FHL2: variants seen among roughly 807,000 people sequenced by gnomAD.
FHL2 encodes the protein four and a half LIM domains protein 2.
FHL2 carries 20 observed loss-of-function variants against 32.7 expected under a neutral mutation model. That is an observed-to-expected ratio of 0.61 (90% CI 0.43 to 0.89). FHL2 has a LOEUF of 0.89. Among genes scored for constraint, FHL2 ranks in the 40% least tolerant of loss-of-function variants. The pLI is 0.00. For missense variants in FHL2, 311 were observed against 358.6 expected, an observed-to-expected ratio of 0.87 and a Z score of 1.07; for synonymous variants, 123 against 128.1, an observed-to-expected ratio of 0.96 and a Z score of 0.27.
rs11537578 is a variant in FHL2 at position 105,386,397 on chromosome 2, G to A, written c.120C>T (p.Cys40=). The A allele has an allele frequency of 2.1e-3, 3,342 of 1,614,124 alleles. 67 individuals are homozygous for A. In the African/African-American group the frequency reaches 0.039, roughly 19 times the overall value. ...VCFETLFANT[C]EECGKPIGCD... ...AGCCGATGGGCTTCCCACACTCCTC[G>A]CAGGTGTTGGCGAACAGGGTCTCAA... The change falls in exon 3 of 7, where the codon TGC becomes TGT. Residue 40 remains cysteine, a synonymous_variant. Coordinates refer to ENST00000530340, the MANE Select transcript of FHL2 (RefSeq NM_001318895.3).
chr2:105,385,203 C>T (rs1404015600), intron 3 of FHL2, among the ~76,000 whole-genome samples: 2 of 152,208 alleles, frequency 1.3e-5, no homozygotes, highest in Non-Finnish European at 2.9e-5. Flanking sequence ...TTCGTCTCTG[C>T]TCAAGGCAGA....
In FHL2 at chr2:105,414,975, A is replaced by G. The variant is rs1031815439; in HGVS notation, c.-25+23424T>C. ...CCTATGACTTACAATTTTCTCTAAT[A>G]CAACTGTAGTCTAAGTAATGTTGGC... On this transcript the variant is annotated intron_variant, in intron 1 of 5. Transcript: ENST00000393352. Among the ~76,000 whole-genome samples, 7 of 152,364 alleles carry G rather than the reference A, an allele frequency of 4.6e-5. No homozygotes were observed. The South Asian group carries it at 6.2e-4, about 14-fold the overall frequency.
intron 1 of FHL2, among the ~76,000 whole-genome samples, chr2:105,397,974 G>A (rs1400102880): frequency 6.6e-6 from 1 of 151,640 alleles, no homozygotes; most frequent in Non-Finnish European, 1.5e-5. Flanking sequence ...AGTAGAGTCA[G>A]CACCAAAAAT....
chr2:105,377,301 A>C (rs964640635), intron 3 of FHL2, among the ~76,000 whole-genome samples: 12 of 152,164 alleles, frequency 7.9e-5, no homozygotes, highest in African/African-American at 2.9e-4. Flanking sequence ...GGTAAGTGTG[A>C]TGTTCTGTGT....
At chr2:105,387,226 G>A (rs1045759985) in intron 2 of FHL2, among the ~76,000 whole-genome samples, 2 of 152,152 alleles carry the variant, frequency 1.3e-5, no homozygotes, top group African/African-American at 4.8e-5. Context: ...TAGAAAGGCA[G>A]GCATAGAAAT....
chr2:105,365,536 A>C (rs987136695), intron 5 of FHL2, among the ~76,000 whole-genome samples: 1 of 152,182 alleles, frequency 6.6e-6, no homozygotes, highest in African/African-American at 2.4e-5. Context: ...AACAAACCAA[A>C]ATAAAAATAA....
chr2:105,399,250 TGCCCTCC>T, upstream of FHL2: 1 of 1,535,316 alleles, frequency 6.5e-7, no homozygotes, highest in Non-Finnish European at 8.7e-7. Flanking sequence ...CCTTTCTTCG[TGCCCTCC>T]GGGTCTTGGG....
At chr2:105,425,137 ATGT>A (rs1204435072) in intron 1 of FHL2, among the ~76,000 whole-genome samples, 1 of 152,188 alleles carries the variant, frequency 6.6e-6, no homozygotes, top group Non-Finnish European at 1.5e-5. Context: ...CTTTGCTGAG[ATGT>A]TGTTAATTTG....
At chr2:105,423,944 A>G (rs961714148) in intron 1 of FHL2, among the ~76,000 whole-genome samples, 4 of 152,232 alleles carry the variant, frequency 2.6e-5, no homozygotes, top group Non-Finnish European at 5.9e-5. Context: ...CCTAGGCAAT[A>G]CCATTCAGGA....
chr2:105,361,853 C>T (rs913412249), intron 6 of FHL2, among the ~76,000 whole-genome samples: 1 of 152,046 alleles, frequency 6.6e-6, no homozygotes, highest in African/African-American at 2.4e-5. Context: ...AAGGTTAATC[C>T]TCCCTGGGAT....
Position 105,415,273 on chromosome 2 carries a change from C to T in FHL2, c.-25+23126G>A, listed in dbSNP as rs76181834. Among the ~76,000 whole-genome samples, 46 of 152,276 alleles carry T rather than the reference C, an allele frequency of 3.0e-4. 1 individual carries two copies. The East Asian group carries it at 8.7e-3, about 29-fold the overall frequency. ...AGTGCAAGTCATTGTGTGGAGTATC[C>T]TACCATTTGTAAGAAAAGGATGTGT... On this transcript the variant is annotated intron_variant, in intron 1 of 5. Coordinates refer to the FHL2 transcript ENST00000393352.
At chr2:105,420,007 G>C (rs1315949282) in intron 1 of FHL2, among the ~76,000 whole-genome samples, 1 of 152,196 alleles carries the variant, frequency 6.6e-6, no homozygotes, top group African/African-American at 2.4e-5. Context: ...AAGAGGAGAA[G>C]TGACTGCTTG....
chr2:105,413,592 G>A (rs1462330700), intron 1 of FHL2, among the ~76,000 whole-genome samples: 4 of 152,146 alleles, frequency 2.6e-5, no homozygotes, highest in Admixed American at 6.5e-5. Flanking sequence ...TCCCACCTCA[G>A]CCTCCCGACA....
chr2:105,409,228 A>C (rs1346469118), intron 1 of FHL2, among the ~76,000 whole-genome samples: 1 of 152,152 alleles, frequency 6.6e-6, no homozygotes, highest in African/African-American at 2.4e-5. Flanking sequence ...AAGCCAAAGG[A>C]AGTTTTTGTT....
intron 3 of FHL2, among the ~76,000 whole-genome samples, chr2:105,376,945 CAT>C (rs2104548243): frequency 1.3e-5 from 2 of 152,318 alleles, no homozygotes; most frequent in African/African-American, 4.8e-5. Flanking sequence ...TGATCTCACA[CAT>C]GTGAGATACT....
chr2:105,399,048 GA>G lies in FHL2; in HGVS notation c.-283del. The G allele has an allele frequency of 6.7e-7, 1 of 1,497,012 alleles. No homozygotes were observed. The highest frequency in any genetic ancestry group is 8.9e-7 in the Non-Finnish European group (1 of 1,125,926). 92.7% of individuals were successfully genotyped at this position (1,497,012 alleles called of 1,614,324 possible). ...GGTGGCTGCGGCTCCGCTGCCGGCC[GA>G]GTGGAGCGCTGCGCAGCTCCCGCCC... On this transcript the variant is annotated 5_prime_UTR_variant, in exon 1 of 7. Transcript: ENST00000530340.
At chr2:105,399,304 G>A, upstream of FHL2, 1 of 1,535,832 alleles carries the variant, frequency 6.5e-7, no homozygotes, top group South Asian at 1.2e-5. Flanking sequence ...CTCCGGCGTG[G>A]GCTCTCGGGC....
At chr2:105,375,380 G>T (rs1339716841) in intron 3 of FHL2, 2 of 152,240 alleles carry the variant, frequency 1.3e-5, no homozygotes, top group East Asian at 3.8e-4. Flanking sequence ...GAACATCTGG[G>T]AATAGGATTA....
At chr2:105,415,276 C>T (rs1467552321) in intron 1 of FHL2, among the ~76,000 whole-genome samples, 1 of 152,096 alleles carries the variant, frequency 6.6e-6, no homozygotes. Context: ...GAGTATCCTA[C>T]CATTTGTAAG....
Sources: allele counts gnomAD v4.1 joint callset (sites outside exome capture counted in the v4.1 genomes callset), GRCh38; gene constraint gnomAD v4.1.1; transcripts MANE v1.5; gene names NCBI Gene and HGNC (gene_info 2026-07-23, HGNC 2026-07-21).